MLPH: variants seen among roughly 807,000 people sequenced by gnomAD.
MLPH encodes melanophilin.
In MLPH, 51 loss-of-function variants were observed where a neutral mutation model predicts 72.1. The observed-to-expected ratio is 0.71, with a 90% CI of 0.56 to 0.89. MLPH has a LOEUF of 0.89. Ranked by LOEUF, MLPH falls within the 40% of genes least tolerant of loss-of-function variation. The probability of loss-of-function intolerance (pLI) is 0.00; values close to 1 mark genes in which losing one functional copy is unlikely to be tolerated. For missense variants in MLPH, 743 were observed against 759.9 expected, an observed-to-expected ratio of 0.98 and a Z score of 0.26; for synonymous variants, 301 against 310.1, an observed-to-expected ratio of 0.97 and a Z score of 0.31.
At chr2:237,540,117 G>T (rs2080637585) in intron 9 of MLPH, among the ~76,000 whole-genome samples, 1 of 152,242 alleles carries the variant, frequency 6.6e-6, no homozygotes. Flanking sequence ...GATAGCCAGG[G>T]GTGGTGGTCA....
intron 4 of MLPH, 105 bp downstream of exon 4, chr2:237,511,206 ATG>A (rs918131689): frequency 3.5e-6 from 3 of 853,780 alleles, no homozygotes; most frequent in African/African-American, 3.3e-5. Flanking sequence ...GTGTGTGTGC[ATG>A]TGTGTGTGCA....
Position 237,498,541 on chromosome 2 carries a change from C to A in MLPH, c.110+5005C>A, listed in dbSNP as rs146351768. On this transcript the variant is annotated intron_variant, in intron 2 of 15. Coordinates refer to ENST00000264605, the MANE Select transcript of MLPH (RefSeq NM_024101.7). ...ATCCTGTCCCCAAGCCACGGAAGCT[C>A]CTGCTCCCTTGGCCAGGCCTGCCCC... 9.2e-5 allele frequency among the ~76,000 whole-genome samples: 14 copies of A among 152,358 alleles called. No individual in the cohort carries two copies. In the East Asian group the frequency reaches 2.7e-3, roughly 29 times the overall value.
At chr2:237,513,893 C>T (rs983240431) in intron 4 of MLPH, among the ~76,000 whole-genome samples, 1 of 152,168 alleles carries the variant, frequency 6.6e-6, no homozygotes, top group African/African-American at 2.4e-5. Context: ...TGGGCACGTT[C>T]GGAGCCAAAA....
At chr2:237,500,344 G>C (rs985187477) in intron 2 of MLPH, among the ~76,000 whole-genome samples, 1 of 152,210 alleles carries the variant, frequency 6.6e-6, no homozygotes, top group African/African-American at 2.4e-5. Flanking sequence ...CTACAGTGAT[G>C]GAAATGTTCG....
At chr2:237,552,214 G>C in intron 14 of MLPH, 123 bp from the exon 15 acceptor site, 1 of 718,522 alleles carries the variant, frequency 1.4e-6, no homozygotes, top group Middle Eastern at 2.4e-4. Context: ...TGATGTGGAA[G>C]CTTCTTAAAA....
intron 8 of MLPH, among the ~76,000 whole-genome samples, chr2:237,533,913 A>G (rs1379804992): frequency 6.6e-6 from 1 of 152,022 alleles, no homozygotes; most frequent in Admixed American, 6.5e-5. Flanking sequence ...GCATCTTAAC[A>G]CTCCACAGCA....
rs146669166 is a variant in MLPH, at chr2:237,542,578, T to C, written c.1458T>C (p.Ile486=). 3.8e-5 allele frequency: 61 copies of C among 1,602,200 alleles called. No individual in the cohort carries two copies. In the African/African-American group the frequency reaches 5.3e-4, roughly 14 times the overall value. ...CTGTCCTCTCGCAGGTTTCAGACAT[T>C]GAATCCAGGATTGCAGCCCTGAGGG... ...VQQAESEVSD[I]ESRIAALRAA... Residue 486 remains isoleucine, a synonymous_variant, in exon 12 of 16, where the codon ATT becomes ATC. Transcript: ENST00000264605.
At chr2:237,520,186 G>A (rs944446865) in intron 6 of MLPH, among the ~76,000 whole-genome samples, 157 bp downstream of exon 6, 10 of 152,182 alleles carry the variant, frequency 6.6e-5, no homozygotes, top group African/African-American at 2.4e-4. Flanking sequence ...ACCGATGTGG[G>A]AAGACAGGAT....
At chr2:237,548,689 A>G (rs2080969314) in intron 13 of MLPH, among the ~76,000 whole-genome samples, 1 of 152,224 alleles carries the variant, frequency 6.6e-6, no homozygotes, top group Non-Finnish European at 1.5e-5. Context: ...TAACACGGTG[A>G]AACCCTGTCT....
chr2:237,493,847 T>C (rs963510829), intron 2 of MLPH, among the ~76,000 whole-genome samples: 22 of 152,298 alleles, frequency 1.4e-4, no homozygotes, highest in African/African-American at 5.3e-4. Flanking sequence ...AGGTGATACA[T>C]GGGGAAAGTC....
chr2:237,489,869 G>T (rs1339235281), intron 1 of MLPH, among the ~76,000 whole-genome samples: 4 of 152,092 alleles, frequency 2.6e-5, no homozygotes, highest in African/African-American at 9.7e-5. Context: ...ACACACTACT[G>T]GAATTCAGCA....
chr2:237,515,633 C>T (rs2079999985), intron 4 of MLPH, among the ~76,000 whole-genome samples: 1 of 152,140 alleles, frequency 6.6e-6, no homozygotes, highest in Admixed American at 6.5e-5. Context: ...TATCAGAGGT[C>T]ATAACTGCAG....
intron 6 of MLPH, among the ~76,000 whole-genome samples, chr2:237,520,555 C>A (rs1321542877): frequency 6.6e-6 from 1 of 152,212 alleles, no homozygotes; most frequent in Non-Finnish European, 1.5e-5. Flanking sequence ...CATGTGGCCG[C>A]CTTACTCATT....
Position 237,511,802 on chromosome 2 carries a change from A to C in MLPH, c.445+701A>C, listed in dbSNP as rs142075600. On this transcript the variant is annotated intron_variant, in intron 4 of 15. Transcript: ENST00000264605. ...TTTGAAATCCAGGCAGTAGGCTTAA[A>C]CTAAACAATGTGTTCGCCTGTAAGA... 5.2e-3 allele frequency among the ~76,000 whole-genome samples: 794 copies of C among 152,318 alleles called. 9 individuals are homozygous for C. Among genetic ancestry groups the C allele is most frequent in the South Asian group, 0.037 (179 of 4,830 alleles).
intron 2 of MLPH, among the ~76,000 whole-genome samples, chr2:237,504,371 C>G (rs906038375): frequency 1.3e-5 from 2 of 152,152 alleles, no homozygotes; most frequent in East Asian, 3.9e-4. Flanking sequence ...TGCCCACCAC[C>G]ACACGGGGCT....
chr2:237,516,897 T>TGGG (rs2080037693), intron 4 of MLPH, among the ~76,000 whole-genome samples: 1 of 88,498 alleles, frequency 1.1e-5, no homozygotes, highest in African/African-American at 6.2e-5. Context: ...GGATGGATGG[T>TGGG]AGGATGGATG....
intron 2 of MLPH, among the ~76,000 whole-genome samples, chr2:237,504,347 G>C (rs1318834161): frequency 6.6e-6 from 1 of 152,128 alleles, no homozygotes; most frequent in Non-Finnish European, 1.5e-5. Context: ...CTCCCAAGTA[G>C]CTGGGATTAC....
At chr2:237,522,871 G>T (rs977119356) in intron 6 of MLPH, among the ~76,000 whole-genome samples, 1 of 152,202 alleles carries the variant, frequency 6.6e-6, no homozygotes, top group African/African-American at 2.4e-5. Context: ...CAATATCACC[G>T]ATGCGGTTGT....
intron 9 of MLPH, among the ~76,000 whole-genome samples, chr2:237,538,565 G>A (rs13383538): frequency 0.27 from 41,127 of 152,136 alleles, 8,234 homozygotes; most frequent in African/African-American, 0.55. Context: ...TCACTGTCAG[G>A]CATCAGTGTC....
Sources: gnomAD v4.1 joint callset for allele counts (sites outside exome capture counted in the v4.1 genomes callset) on GRCh38, gnomAD v4.1.1 for gene constraint, MANE v1.5 for transcripts, NCBI Gene and HGNC (gene_info 2026-07-23, HGNC 2026-07-21) for gene names.